Variants in DDIAS observed in about 807,000 individuals in gnomAD.
DDIAS encodes DNA damage-induced apoptosis suppressor protein.
Under a neutral mutation model 15.7 loss-of-function variants are expected in DDIAS, and 14 were observed. The ratio of observed to expected loss-of-function variants is 0.89; its 90% CI spans 0.59 to 1.39. The LOEUF is 1.39. Among genes scored for constraint, DDIAS ranks in the 40% most tolerant of loss-of-function variants. DDIAS has a pLI of 0.00. For synonymous variants in DDIAS, 355 were observed against 395.9 expected, an observed-to-expected ratio of 0.90 and a Z score of 1.23; for missense variants, 1,035 against 1,130.9, an observed-to-expected ratio of 0.92 and a Z score of 1.22.
In DDIAS at chr11:82,933,544, T is replaced by C; in HGVS notation, c.2206T>C (p.Leu736=). The change falls in exon 6 of 6, where the codon TTG becomes CTG. Residue 736 remains leucine (L), a synonymous_variant. Transcript: ENST00000533655. Reference sequence around the variant, plus strand: ...CATCCAGCCTTCACAAAAATTATCCTTGCAAAGCCTATCTGACTCTAGGCA... The same window carrying C: ...CATCCAGCCTTCACAAAAATTATCCCTGCAAAGCCTATCTGACTCTAGGCA... The part of the protein sequence containing the change: ...DFIQPSQKLS[L]QSLSDSRHSR... 6.2e-7 allele frequency: 1 copy of C among 1,614,094 alleles called. No individual in the cohort carries two copies. The highest frequency in any genetic ancestry group is 8.5e-7 in the Non-Finnish European group (1 of 1,179,996).
chr11:82,905,795 G>A (rs1860417840), intron 1 of DDIAS, among the ~76,000 whole-genome samples: 1 of 152,106 alleles, frequency 6.6e-6, no homozygotes, highest in African/African-American at 2.4e-5. Context: ...ACTAATAACT[G>A]ATGAATAAAT....
At position 82,934,198 on chromosome 11, in the gene DDIAS, T is replaced by C; in HGVS notation, c.2860T>C (p.Leu954=). The C allele has an allele frequency of 1.2e-6, 2 of 1,614,130 alleles. No homozygotes were observed. The highest frequency in any genetic ancestry group is 1.7e-6 in the Non-Finnish European group (2 of 1,180,012). The change falls in exon 6 of 6, where the codon TTA becomes CTA. Residue 954 remains leucine (L), a synonymous_variant. Transcript: ENST00000533655. ...TTCCAAATGTCCAGACATTCAAGTC[T>C]TAGCAGCACCTCAGCTGCACCCTAT... ...WISKCPDIQV[L]AAPQLHPILG... is the part of the protein sequence containing the mutation.
At chr11:82,911,506 C>T (rs1860530061) in intron 1 of DDIAS, among the ~76,000 whole-genome samples, 1 of 152,184 alleles carries the variant, frequency 6.6e-6, no homozygotes, top group South Asian at 2.1e-4. Flanking sequence ...CATGAGATTG[C>T]AGCAATTGAG....
chr11:82,907,419 A>C lies in DDIAS; in HGVS notation c.-117+5597A>C, dbSNP rs151081214. The stretch of plus-strand genomic sequence containing the variant: ...AAGAAAAGCCATTCCCTTTGTTAAT[A>C]AAGAAAGACTTTTTAGGGGAACTTC... On this transcript the variant is annotated intron_variant, in intron 1 of 5. Transcript: ENST00000533655. Among the ~76,000 whole-genome samples, 1,294 of 152,348 alleles carry C rather than the reference A, an allele frequency of 8.5e-3. 18 individuals are homozygous for C. The highest frequency in any genetic ancestry group is 0.03 in the African/African-American group (1,240 of 41,582).
intron 3 of DDIAS, among the ~76,000 whole-genome samples, chr11:82,920,732 G>A (rs569121574): frequency 2.0e-5 from 3 of 152,178 alleles, no homozygotes; most frequent in African/African-American, 4.8e-5. Flanking sequence ...ACTATGGCCT[G>A]AGAGAGTGCT....
intron 3 of DDIAS, among the ~76,000 whole-genome samples, chr11:82,918,294 C>T (rs1860671321): frequency 6.6e-6 from 1 of 152,062 alleles, no homozygotes; most frequent in Admixed American, 6.5e-5. Context: ...GATTCATTCT[C>T]CTACATGTGG....
chr11:82,903,441 T>C (rs1055982747), intron 1 of DDIAS, among the ~76,000 whole-genome samples: 10 of 152,224 alleles, frequency 6.6e-5, no homozygotes, highest in Admixed American at 5.2e-4. Context: ...AGATGTGACC[T>C]TCTCCATCCC....
rs745410040 is a variant in DDIAS at position 82,932,390 on chromosome 11, G to T, written c.1052G>T (p.Ser351Ile). The change falls in exon 6 of 6, where the codon AGT (serine) becomes ATT (isoleucine). Residue 351 changes from serine to isoleucine, a missense_variant. Ser to Ile is a moderately radical substitution (Grantham distance 142). Transcript: ENST00000533655. ...SLEMREPLES[S>I]NTKSFHSAVE... ...GAAATGCGAGAGCCCCTTGAGTCAAGTAATACAAAATCCTTCCACAGTGCA... is the reference window on the plus strand; with the variant it reads ...GAAATGCGAGAGCCCCTTGAGTCAATTAATACAAAATCCTTCCACAGTGCA... 8 of 1,613,944 alleles carry T rather than the reference G, an allele frequency of 5.0e-6. No individual in the cohort carries two copies. The highest frequency in any genetic ancestry group is 6.8e-6 in the Non-Finnish European group (8 of 1,179,976).
In DDIAS at chr11:82,933,222, C is replaced by T. The variant is rs1437686081; in HGVS notation, c.1884C>T (p.Cys628=). 4 of 1,611,366 alleles carry T rather than the reference C, an allele frequency of 2.5e-6. No individual in the cohort carries two copies. The highest frequency in any genetic ancestry group is 2.7e-5 in the African/African-American group (2 of 74,876). ...SKNQDDSFTI[C]RKLTYPLETL... ...ACCAAGATGACAGTTTTACAATTTG[C>T]AGGAAACTTACATATCCTTTAGAAA... The change falls in exon 6 of 6, where the codon TGC becomes TGT. Residue 628 remains cysteine, a synonymous_variant. Coordinates refer to ENST00000533655, the MANE Select transcript of DDIAS (RefSeq NM_145018.4).
chr11:82,918,553 C>G (rs1860679098), intron 3 of DDIAS, among the ~76,000 whole-genome samples: 2 of 152,190 alleles, frequency 1.3e-5, no homozygotes, highest in Admixed American at 6.5e-5. Flanking sequence ...CTTGCTTTGG[C>G]TGTGCAGGCC....
chr11:82,934,492 C>A lies in DDIAS; in HGVS notation c.*157C>A. ...CTACTGTGCCTTTTAAAATATAAAG[C>A]CATTGTTTTCCCCAGGGTTTTATCT... On this transcript the variant is annotated 3_prime_UTR_variant, in exon 6 of 6. Transcript: ENST00000533655. 1.5e-6 allele frequency: 1 copy of A among 671,410 alleles called. No homozygotes were observed. The highest frequency in any genetic ancestry group is 2.3e-6 in the Non-Finnish European group (1 of 430,378). 41.6% of individuals were successfully genotyped at this position (671,410 alleles called of 1,614,324 possible).
At position 82,928,781 on chromosome 11, in the gene DDIAS, A is replaced by G. The variant is rs199872753; in HGVS notation, c.118A>G (p.Asn40Asp). Residue 40 changes from asparagine (N) to aspartate (D), a missense_variant, in exon 4 of 6, where the codon AAT (asparagine) becomes GAT (aspartate). Transcript: ENST00000533655. ...TTTTTTCCACCACTTTTCTAGGTCT[A>G]ATTGTCCAAAATGTGGCTCTACTGG... ...SRIILVSKRS[N>D]CPKCGSTGES... 9 of 1,613,064 alleles carry G rather than the reference A, an allele frequency of 5.6e-6. No individual in the cohort carries two copies. Among genetic ancestry groups the G allele is most frequent in the East Asian group, 2.2e-5 (1 of 44,752 alleles).
chr11:82,906,316 C>T (rs550555088), intron 1 of DDIAS, among the ~76,000 whole-genome samples: 2 of 152,166 alleles, frequency 1.3e-5, no homozygotes, highest in South Asian at 4.1e-4. Flanking sequence ...TTACAGTTCT[C>T]AAATTTGCTG....
chr11:82,933,137 A>G lies in DDIAS; in HGVS notation c.1799A>G (p.Tyr600Cys), dbSNP rs201744887. The change falls in exon 6 of 6, where the codon TAT becomes TGT. Residue 600 changes from tyrosine to cysteine, a missense_variant. By Grantham distance (194) the Tyr-to-Cys change is radical. Transcript: ENST00000533655. Reference sequence around the variant, plus strand: ...TTGACAACTCTGTGTTATAGGAAGTATAATGATGTCTCTGATCTTTGCAAA... The same window carrying G: ...TTGACAACTCTGTGTTATAGGAAGTGTAATGATGTCTCTGATCTTTGCAAA... The part of the protein sequence containing the change: ...EKLTTLCYRK[Y>C]NDVSDLCKLE... The G allele has an allele frequency of 2.0e-5, 32 of 1,608,808 alleles. No homozygotes were observed. The highest frequency in any genetic ancestry group is 1.7e-4 in the Middle Eastern group (1 of 6,058).
At chr11:82,913,603 A>T (rs1860566351) in intron 2 of DDIAS, 1 of 366,470 alleles carries the variant, frequency 2.7e-6, no homozygotes, top group African/African-American at 2.2e-5. Flanking sequence ...TTGACATGTA[A>T]CATTTTGCTT....
chr11:82,932,632 G>C lies in DDIAS; in HGVS notation c.1294G>C (p.Glu432Gln), dbSNP rs982496076. ...LNKFLAVLES[E>Q]IAVTQADVSS... ...CAAGTTTCTGGCAGTTCTTGAAAGT[G>C]AGATTGCTGTAACCCAGGCAGATGT... is the stretch of plus-strand genomic sequence containing the variant. Residue 432 changes from glutamate (E) to glutamine (Q), a missense_variant, in exon 6 of 6, where the codon GAG becomes CAG. Coordinates refer to ENST00000533655, the MANE Select transcript of DDIAS (RefSeq NM_145018.4). 6.2e-7 allele frequency: 1 copy of C among 1,614,136 alleles called. No homozygotes were observed. Among genetic ancestry groups the C allele is most frequent in the South Asian group, 1.1e-5 (1 of 91,086 alleles).
chr11:82,914,546 A>G (rs967559731), intron 2 of DDIAS, 177 bp from the exon 3 acceptor site: 13 of 484,050 alleles, frequency 2.7e-5, no homozygotes, highest in African/African-American at 2.6e-4. Context: ...CTTCCTATTA[A>G]TATTTTAAGG....
chr11:82,917,766 A>G (rs1311838215), intron 3 of DDIAS, among the ~76,000 whole-genome samples: 1 of 152,188 alleles, frequency 6.6e-6, no homozygotes, highest in African/African-American at 2.4e-5. Flanking sequence ...TCTACCAGCA[A>G]TGTAGAAGTG....
chr11:82,903,006 A>G (rs2121306556), intron 1 of DDIAS, among the ~76,000 whole-genome samples: 1 of 152,228 alleles, frequency 6.6e-6, no homozygotes, highest in East Asian at 1.9e-4. Context: ...TGCCTAAAAG[A>G]TGAGCGTGAT....
Sources: gnomAD v4.1 joint callset for allele counts (sites outside exome capture counted in the v4.1 genomes callset) on GRCh38, gnomAD v4.1.1 for gene constraint, MANE v1.5 for transcripts, NCBI Gene and HGNC (gene_info 2026-07-23, HGNC 2026-07-21) for gene names.